ITFG1: variants seen among roughly 807,000 people sequenced by gnomAD.
ITFG1 encodes integrin alpha FG-GAP repeat containing 1.
In ITFG1, 34 loss-of-function variants were observed where a neutral mutation model predicts 81.8. The ratio of observed to expected loss-of-function variants is 0.42; its 90% confidence interval spans 0.32 to 0.55. The LOEUF is 0.55. ITFG1 is among the 20% of genes least tolerant of loss of function. The probability of loss-of-function intolerance (pLI) is 0.17; values close to 1 mark genes in which losing one functional copy is unlikely to be tolerated. For synonymous variants in ITFG1, 285 were observed against 270.6 expected, an observed-to-expected ratio of 1.05 and a Z score of -0.52; for missense variants, 672 against 755.4, an observed-to-expected ratio of 0.89 and a Z score of 1.29.
intron 8 of ITFG1, 150 bp downstream of exon 8, chr16:47,365,638 C>G (rs1968166813): frequency 5.6e-6 from 3 of 538,704 alleles, no homozygotes; most frequent in Non-Finnish European, 9.9e-6. Context: ...ACATACAATA[C>G]TATTATGGAA....
chr16:47,210,486 C>G (rs147862072), intron 14 of ITFG1, among the ~76,000 whole-genome samples: 153 of 152,278 alleles, frequency 1.0e-3, no homozygotes, highest in Non-Finnish European at 1.5e-3. Flanking sequence ...TTTTCATCCT[C>G]TTATCAGGGT....
chr16:47,396,439 G>A (rs1187271911), intron 6 of ITFG1, among the ~76,000 whole-genome samples: 1 of 152,004 alleles, frequency 6.6e-6, no homozygotes, highest in Admixed American at 6.6e-5. Flanking sequence ...AAAAAGTTCA[G>A]GAACTATGAG....
At chr16:47,206,031 A>G (rs1032316142) in intron 14 of ITFG1, among the ~76,000 whole-genome samples, 1 of 151,934 alleles carries the variant, frequency 6.6e-6, no homozygotes, top group Non-Finnish European at 1.5e-5. Flanking sequence ...ACGCCTGGCT[A>G]ATTTTTATAT....
chr16:47,224,632 T>C (rs758104231), intron 13 of ITFG1, among the ~76,000 whole-genome samples: 4 of 152,086 alleles, frequency 2.6e-5, no homozygotes, highest in African/African-American at 4.8e-5. Flanking sequence ...AGTTGACGTA[T>C]AGTTAAAAAT....
At chr16:47,350,581 C>T (rs562179906) in intron 8 of ITFG1, among the ~76,000 whole-genome samples, 15 of 152,214 alleles carry the variant, frequency 9.9e-5, no homozygotes, top group Non-Finnish European at 2.1e-4. Context: ...AATAGCTTAC[C>T]AACCAAAAAC....
At chr16:47,439,981 A>G (rs1375766494) in intron 5 of ITFG1, among the ~76,000 whole-genome samples, 1 of 152,154 alleles carries the variant, frequency 6.6e-6, no homozygotes, top group Non-Finnish European at 1.5e-5. Context: ...AAATAAAGGG[A>G]TGGAGGAAGA....
At chr16:47,305,072 A>C (rs1596877152) in intron 10 of ITFG1, among the ~76,000 whole-genome samples, 3 of 152,284 alleles carry the variant, frequency 2.0e-5, no homozygotes, top group Admixed American at 2.0e-4. Flanking sequence ...CACTTCATGG[A>C]CATATGGAAA....
intron 7 of ITFG1, among the ~76,000 whole-genome samples, chr16:47,373,629 A>T (rs1012102768): frequency 6.6e-6 from 1 of 152,174 alleles, no homozygotes; most frequent in Non-Finnish European, 1.5e-5. Context: ...CTGGAATCAG[A>T]TAGAAGCAAC....
intron 10 of ITFG1, among the ~76,000 whole-genome samples, chr16:47,283,927 G>C (rs1217089328): frequency 6.6e-6 from 1 of 152,162 alleles, no homozygotes; most frequent in Non-Finnish European, 1.5e-5. Context: ...AAGACATGCA[G>C]AACTGATATA....
At chr16:47,399,949 G>A (rs1446183641) in intron 6 of ITFG1, among the ~76,000 whole-genome samples, 1 of 152,212 alleles carries the variant, frequency 6.6e-6, no homozygotes, top group Admixed American at 6.5e-5. Flanking sequence ...AGAATGGAAG[G>A]AAATCACAGC....
intron 10 of ITFG1, among the ~76,000 whole-genome samples, chr16:47,290,093 G>A (rs900869428): frequency 6.6e-6 from 1 of 152,086 alleles, no homozygotes; most frequent in African/African-American, 2.4e-5. Context: ...TCATTCAGAA[G>A]CATACTGTTT....
rs1403716704 is a variant in ITFG1, at chr16:47,155,234, G to A, written c.*485C>T. 2 of 152,322 alleles carry A rather than the reference G, an allele frequency of 1.3e-5. No individual in the cohort carries two copies. The highest frequency in any genetic ancestry group is 1.5e-5 in the Non-Finnish European group (1 of 68,132). The allele number at this position is 152,322 out of a possible 1,614,324, so 9.4% of individuals were successfully genotyped here. A position where few individuals can be genotyped will look rare whatever the true frequency, so the allele number is the denominator to read the frequency against. On this transcript the variant is annotated 3_prime_UTR_variant, in exon 18 of 18. Coordinates refer to ENST00000320640, the MANE Select transcript of ITFG1 (RefSeq NM_030790.5). ...ACTGTGCTACCAAGTCAGAGTACCC[G>A]ATCACTATATTGTATGCCATCAGTG... is the stretch of plus-strand genomic sequence containing the variant.
At chr16:47,330,889 T>A (rs1345867031) in intron 8 of ITFG1, among the ~76,000 whole-genome samples, 1 of 152,172 alleles carries the variant, frequency 6.6e-6, no homozygotes, top group Admixed American at 6.6e-5. Context: ...GTAAATTAAT[T>A]CAGCCACTGT....
intron 8 of ITFG1, among the ~76,000 whole-genome samples, chr16:47,327,959 C>A (rs1233993714): frequency 6.6e-6 from 1 of 152,108 alleles, no homozygotes; most frequent in Non-Finnish European, 1.5e-5. Flanking sequence ...TTGACCCAGC[C>A]ATCCCATTAC....
intron 8 of ITFG1, among the ~76,000 whole-genome samples, chr16:47,365,249 C>G (rs1460616037): frequency 1.3e-5 from 2 of 152,168 alleles, no homozygotes; most frequent in African/African-American, 4.8e-5. Context: ...TACAATTACT[C>G]TGACAAATGA....
intron 7 of ITFG1, among the ~76,000 whole-genome samples, chr16:47,366,706 C>T (rs1343504084): frequency 6.6e-6 from 1 of 152,156 alleles, no homozygotes; most frequent in African/African-American, 2.4e-5. Context: ...TCTCTATTTT[C>T]TGTTTGAGAT....
At chr16:47,365,642 T>C (rs1390808377) in intron 8 of ITFG1, 146 bp downstream of exon 8, 1 of 550,662 alleles carries the variant, frequency 1.8e-6, no homozygotes, top group Admixed American at 3.1e-5. Context: ...ACAATACTAT[T>C]ATGGAATAGG....
chr16:47,178,758 G>A (rs897909761), intron 14 of ITFG1, among the ~76,000 whole-genome samples: 1 of 152,166 alleles, frequency 6.6e-6, no homozygotes, highest in African/African-American at 2.4e-5. Flanking sequence ...CTTCTTCACA[G>A]CAAAAGAAAC....
chr16:47,170,058 C>T (rs1314904474), intron 14 of ITFG1, among the ~76,000 whole-genome samples: 2 of 152,140 alleles, frequency 1.3e-5, no homozygotes, highest in Admixed American at 6.6e-5. Flanking sequence ...AGTATAAATA[C>T]TTTTAATGTG....
Sources: gnomAD v4.1 joint callset for allele counts (sites outside exome capture counted in the v4.1 genomes callset) on GRCh38, gnomAD v4.1.1 for gene constraint, MANE v1.5 for transcripts, NCBI Gene and HGNC (gene_info 2026-07-23, HGNC 2026-07-21) for gene names.